The following YTHDF1 variants were observed in gnomAD, a reference collection of about 807,000 sequenced individuals.
The protein encoded by YTHDF1 is YTH N6-methyladenosine RNA binding protein F1, also known as YTH domain-containing family protein 1.
In YTHDF1, 16 loss-of-function variants were observed where a neutral mutation model predicts 49.1. That is an observed-to-expected ratio of 0.33 (90% CI 0.22 to 0.49). The LOEUF is 0.49. Ranked by LOEUF, YTHDF1 falls within the 20% of genes least tolerant of loss-of-function variation. The pLI, the probability that YTHDF1 is intolerant of heterozygous loss-of-function variation, is 0.99. For synonymous variants in YTHDF1, 313 were observed against 290.1 expected (o/e 1.08, Z -0.80); for missense variants, 621 against 744.3 (o/e 0.83, Z 1.93).
At position 63,215,580 on chromosome 20, in the gene YTHDF1, T is replaced by A; in HGVS notation, c.49A>T (p.Lys17Ter). 6.2e-7 allele frequency: 1 copy of A among 1,612,996 alleles called. No homozygotes were observed. Among genetic ancestry groups the A allele is most frequent in the African/African-American group, 1.3e-5 (1 of 74,884 alleles). The change falls in exon 2 of 5, where the codon AAA (lysine) becomes TAA (stop). Residue 17 changes from lysine to a stop codon, truncating the protein, a stop_gained. Coordinates refer to ENST00000370339, the MANE Select transcript of YTHDF1 (RefSeq NM_017798.4). LOFTEE classifies it high-confidence loss of function. ...DTQRTKGQDNKVQNGSLHQKD... is the reference protein window; with the variant it reads ...DTQRTKGQDN ...GCCGTCCCGGGACTCCGCTCACCTT[T>A]ATTATCTTGTCCTTTTGTTCTCTGC...
intron 3 of YTHDF1, among the ~76,000 whole-genome samples, chr20:63,210,917 C>T (rs372288087): frequency 2.0e-5 from 3 of 152,336 alleles, no homozygotes; most frequent in African/African-American, 7.2e-5. Flanking sequence ...CGGCTACAGT[C>T]GCAAGCGCCT....
At chr20:63,213,819 T>G (rs771254716) in intron 3 of YTHDF1, 45 bp downstream of exon 3, 2 of 1,549,466 alleles carry the variant, frequency 1.3e-6, no homozygotes, top group Non-Finnish European at 1.8e-6. Context: ...ACAAAACAAT[T>G]AAAACCAACT....
At chr20:63,207,802 C>T (rs1201659147) in intron 3 of YTHDF1, among the ~76,000 whole-genome samples, 2 of 152,020 alleles carry the variant, frequency 1.3e-5, no homozygotes, top group Non-Finnish European at 2.9e-5. Flanking sequence ...GTCAGGAGTT[C>T]GAGACTAGTC....
intron 2 of YTHDF1, 126 bp downstream of exon 2, chr20:63,215,451 A>C: frequency 4.6e-6 from 6 of 1,303,032 alleles, no homozygotes; most frequent in Admixed American, 1.9e-5. Context: ...GCACAACCTC[A>C]AGTTTTATCT....
chr20:63,196,831 A>G, intron 4 of YTHDF1, 97 bp from the exon 5 acceptor site: 1 of 1,447,112 alleles, frequency 6.9e-7, no homozygotes, highest in Non-Finnish European at 9.6e-7. Context: ...CAGCACCTGC[A>G]AATCTGGAGG....
chr20:63,215,837 C>CCGCGGCCCCTGTAA, intron 1 of YTHDF1, 29 bp downstream of exon 1: 1 of 1,456,160 alleles, frequency 6.9e-7, no homozygotes, highest in Non-Finnish European at 9.0e-7. Flanking sequence ...TCGGCCCCGG[C>CCGCGGCCCCTGTAA]CGCGGCCCCT....
rs532746051 is a variant in YTHDF1, at chr20:63,199,590, C to T, written c.1653+2697G>A. Among the ~76,000 whole-genome samples the T allele has an allele frequency of 1.4e-4, 21 of 152,088 alleles. No individual in the cohort carries two copies. In the East Asian group the frequency reaches 1.7e-3, roughly 13 times the overall value. ...ACCCAGAGGGAGAAAGCATTAGACA[C>T]CCAGAGTCTCAGCCTCAAGACACCT... On this transcript the variant is annotated intron_variant, in intron 4 of 4. Coordinates refer to ENST00000370339, the MANE Select transcript of YTHDF1 (RefSeq NM_017798.4).
Position 63,215,858 on chromosome 20 carries a change from C to T in YTHDF1, c.27+8G>A. 6.9e-7 allele frequency: 1 copy of T among 1,457,278 alleles called. No individual in the cohort carries two copies. Among genetic ancestry groups the T allele is most frequent in the Non-Finnish European group, 9.0e-7 (1 of 1,105,572 alleles). The allele number at this position is 1,457,278 out of a possible 1,614,324, so 90.3% of individuals were successfully genotyped here. A position where few individuals can be genotyped will look rare whatever the true frequency, so the allele number is the denominator to read the frequency against. ...CCGGCCGCGGCCCCTGTAACCCGGC[C>T]CCGCTACCTGGGTGTCCACGCTGGT... On this transcript the variant is annotated splice_region_variant and intron_variant, in intron 1 of 4. Coordinates refer to ENST00000370339, the MANE Select transcript of YTHDF1 (RefSeq NM_017798.4).
At chr20:63,212,330 G>C (rs938194375) in intron 3 of YTHDF1, among the ~76,000 whole-genome samples, 1 of 152,238 alleles carries the variant, frequency 6.6e-6, no homozygotes, top group African/African-American at 2.4e-5. Flanking sequence ...CAGTAGGAGG[G>C]AGGGGGATGA....
chr20:63,206,782 G>C (rs2066548521), intron 3 of YTHDF1, among the ~76,000 whole-genome samples: 2 of 152,102 alleles, frequency 1.3e-5, no homozygotes, highest in Middle Eastern at 3.4e-3. Flanking sequence ...AACTCTGAAG[G>C]TAAAGAAGCA....
chr20:63,205,219 C>T (rs2066540114), intron 3 of YTHDF1, among the ~76,000 whole-genome samples: 1 of 152,156 alleles, frequency 6.6e-6, no homozygotes, highest in South Asian at 2.1e-4. Flanking sequence ...TGAAGGATAA[C>T]AGCACCCAGT....
chr20:63,209,289 A>G (rs966823689), intron 3 of YTHDF1, among the ~76,000 whole-genome samples: 1 of 152,252 alleles, frequency 6.6e-6, no homozygotes, highest in Admixed American at 6.5e-5. Flanking sequence ...CCTTTCTTCA[A>G]TAATAAACCC....
chr20:63,209,294 A>G (rs536104222), intron 3 of YTHDF1, among the ~76,000 whole-genome samples: 1 of 152,374 alleles, frequency 6.6e-6, no homozygotes, highest in African/African-American at 2.4e-5. Flanking sequence ...CTTCAATAAT[A>G]AACCCTAGCC....
chr20:63,203,045 G>A lies in YTHDF1; in HGVS notation c.895C>T (p.Gln299Ter). The A allele has an allele frequency of 6.2e-7, 1 of 1,606,148 alleles. No homozygotes were observed. Among genetic ancestry groups the A allele is most frequent in the Non-Finnish European group, 8.5e-7 (1 of 1,175,340 alleles). ...APSPQAAPQPQQVAQPLPAQP... is the reference protein window; with the variant it reads ...APSPQAAPQP ...GCTGGGAGAGGCTGAGCCACCTGCT[G>A]GGGCTGTGGGGCAGCCTGTGGAGAG... is the stretch of plus-strand genomic sequence containing the variant. The change falls in exon 4 of 5, where the codon CAG becomes TAG. Residue 299 changes from glutamine (Q) to a stop codon, truncating the protein, a stop_gained. Coordinates refer to ENST00000370339, the MANE Select transcript of YTHDF1 (RefSeq NM_017798.4). LOFTEE classifies it high-confidence loss of function. The surrounding 1 kb of genome is among the most constrained non-coding windows in gnomAD (Gnocchi z 4.4).
chr20:63,206,025 G>C (rs2066544198), intron 3 of YTHDF1, among the ~76,000 whole-genome samples: 1 of 151,162 alleles, frequency 6.6e-6, no homozygotes, highest in South Asian at 2.1e-4. Flanking sequence ...AGACTGGGGG[G>C]GTGAGCGAAT....
chr20:63,209,119 CG>C (rs2066561810), intron 3 of YTHDF1, among the ~76,000 whole-genome samples: 1 of 152,180 alleles, frequency 6.6e-6, no homozygotes, highest in Admixed American at 6.5e-5. Flanking sequence ...AAATCAAGAA[CG>C]GGACACCTGT....
chr20:63,203,749 A>G lies in YTHDF1; in HGVS notation c.191T>C (p.Ile64Thr), dbSNP rs551923939. ...CTCATTGAGGGAGTAAGGAAATCCA[A>G]TGGACGGCGGGTAATAGCTGGACAG... ...PYLSSYYPPS[I>T]GFPYSLNEAP... is the part of the protein sequence containing the mutation. The change falls in exon 4 of 5, where the codon ATT becomes ACT. Residue 64 changes from isoleucine (I) to threonine (T), a missense_variant. Ile to Thr is a moderately conservative substitution (Grantham distance 89, BLOSUM62 -1). Transcript: ENST00000370339. This position sits in a 1 kb window ranked among gnomAD's most constrained non-coding sequence, Gnocchi z 4.4. 4.3e-6 allele frequency: 7 copies of G among 1,614,012 alleles called. No individual in the cohort carries two copies. The highest frequency in any genetic ancestry group is 4.2e-6 in the Non-Finnish European group (5 of 1,179,940).
At chr20:63,208,516 A>G (rs1357986103) in intron 3 of YTHDF1, among the ~76,000 whole-genome samples, 1 of 152,174 alleles carries the variant, frequency 6.6e-6, no homozygotes, top group Non-Finnish European at 1.5e-5. Flanking sequence ...TGAGGCTGCA[A>G]TTTCAGCCCC....
In YTHDF1 at chr20:63,202,693, T is replaced by C; in HGVS notation, c.1247A>G (p.His416Arg). Residue 416 changes from histidine (H) to arginine (R), a missense_variant, in exon 4 of 5, where the codon CAC becomes CGC. By Grantham distance (29) the His-to-Arg change is conservative (BLOSUM62 0). Transcript: ENST00000370339. ...IKYSIWCSTE[H>R]GNKRLDSAFR... ...GGCGCTGTCCAGGCGCTTGTTGCCG[T>C]GCTCTGTGCTACACCAGATGGAGTA... is the stretch of plus-strand genomic sequence containing the variant. 6.2e-7 allele frequency: 1 copy of C among 1,614,114 alleles called. No homozygotes were observed. Among genetic ancestry groups the C allele is most frequent in the Non-Finnish European group, 8.5e-7 (1 of 1,180,040 alleles).
Sources: gnomAD v4.1 joint callset for allele counts (sites outside exome capture counted in the v4.1 genomes callset) on GRCh38, gnomAD v4.1.1 for gene constraint, Gnocchi (gnomAD v3.1) non-coding constraint, MANE v1.5 for transcripts, NCBI Gene and HGNC (gene_info 2026-07-23, HGNC 2026-07-21) for gene names.